The following CEP350 variants were observed in gnomAD, a reference collection of about 807,000 sequenced individuals.
CEP350 encodes the protein centrosomal protein 350, also known as centrosome-associated protein 350.
A neutral mutation model predicts 331.8 loss-of-function variants in CEP350; 126 were observed. The ratio of observed to expected loss-of-function variants is 0.38; its 90% confidence interval spans 0.33 to 0.44. The LOEUF (loss-of-function observed/expected upper bound fraction) is 0.44, where lower values mean the gene tolerates loss of function less well. Among genes scored for constraint, CEP350 ranks in the 20% least tolerant of loss-of-function variants. The pLI is 1.00. For missense variants in CEP350, 3,406 were observed against 3,634.6 expected (o/e 0.94, Z 1.62); for synonymous variants, 1,200 against 1,259.5 (o/e 0.95, Z 1.00).
In CEP350 at chr1:180,094,327, A is replaced by G. The variant is rs1558156242; in HGVS notation, c.8222A>G (p.Glu2741Gly). Residue 2741 changes from glutamate (E) to glycine (G), a missense_variant, in exon 34 of 38, where the codon GAA (glutamate) becomes GGA (glycine). This residue lies in a region of CEP350 where 1,415 missense variants were observed against 1,512.3 expected (regional missense o/e 0.94). Transcript: ENST00000367607. ...EAQLKSSLNE[E>G]KKSKQQLEKI... ...CAGCTGAAGTCATCACTAAATGAGGAAAAAAAGTCAAAACAACAACTGGAA... is the reference window on the plus strand; with the variant it reads ...CAGCTGAAGTCATCACTAAATGAGGGAAAAAAGTCAAAACAACAACTGGAA... The G allele has an allele frequency of 6.2e-6, 10 of 1,613,866 alleles. No individual in the cohort carries two copies. The highest frequency in any genetic ancestry group is 8.5e-6 in the Non-Finnish European group (10 of 1,179,822).
At chr1:179,961,316 C>T (rs770269120) in intron 1 of CEP350, among the ~76,000 whole-genome samples, 5 of 152,072 alleles carry the variant, frequency 3.3e-5, no homozygotes, top group Middle Eastern at 3.4e-3. Context: ...GGCGTGGTGG[C>T]GCGCACCTGT....
intron 1 of CEP350, among the ~76,000 whole-genome samples, chr1:179,955,754 G>C (rs1233464848): frequency 6.6e-6 from 1 of 152,190 alleles, no homozygotes. Context: ...GAATTTGCCT[G>C]GATTTTAAAT....
chr1:180,093,081 G>A lies in CEP350; in HGVS notation c.6976G>A (p.Glu2326Lys). The A allele has an allele frequency of 6.2e-7, 1 of 1,604,980 alleles. No homozygotes were observed. The highest frequency in any genetic ancestry group is 1.3e-5 in the African/African-American group (1 of 74,982). ...AGCTATTGAAAATCTCCATAAAAGT[G>A]AGGAAATGTTGAAAGAGAGACAGTC... ...GLAIENLHKS[E>K]EMLKERQSDQ... Residue 2326 changes from glutamate to lysine, a missense_variant, in exon 34 of 38, where the codon GAG becomes AAG. By Grantham distance (56) the Glu-to-Lys change is moderately conservative. Transcript: ENST00000367607.
intron 25 of CEP350, among the ~76,000 whole-genome samples, chr1:180,055,823 G>T (rs2148980410): frequency 6.6e-6 from 1 of 152,014 alleles, no homozygotes; most frequent in Admixed American, 6.5e-5. Context: ...GGGATTACAG[G>T]CATGAGCCAC....
intron 1 of CEP350, among the ~76,000 whole-genome samples, chr1:179,977,932 T>C (rs1382252752): frequency 6.6e-6 from 1 of 150,656 alleles, no homozygotes; most frequent in Non-Finnish European, 1.5e-5. Flanking sequence ...TTTTATACTT[T>C]AAAAATATTT....
intron 1 of CEP350, among the ~76,000 whole-genome samples, chr1:179,963,073 AT>A (rs1231308649): frequency 3.3e-5 from 5 of 151,516 alleles, no homozygotes; most frequent in Non-Finnish European, 5.9e-5. Context: ...GATTCTGAGC[AT>A]TTTTTTCATA....
intron 23 of CEP350, 52 bp from the exon 24 acceptor site, chr1:180,053,698 A>C: frequency 9.2e-7 from 1 of 1,092,842 alleles, no homozygotes; most frequent in Non-Finnish European, 1.3e-6. Context: ...TAGTGGAATT[A>C]AGTACCAAAA....
chr1:180,075,262 T>C lies in CEP350; in HGVS notation c.5767+41T>C, dbSNP rs747287412. On this transcript the variant is annotated intron_variant, in intron 28 of 37. Coordinates refer to ENST00000367607, the MANE Select transcript of CEP350 (RefSeq NM_014810.5). ...TCTGTTCACACTACAAACTAAAGCC[T>C]AACATAATTGAAAGATATATTTCAT... is the stretch of plus-strand genomic sequence containing the variant. 3.3e-5 allele frequency: 50 copies of C among 1,514,360 alleles called. No homozygotes were observed. The South Asian group carries it at 5.9e-4, about 18-fold the overall frequency. 93.8% of individuals were successfully genotyped at this position (1,514,360 alleles called of 1,614,324 possible).
intron 25 of CEP350, 73 bp downstream of exon 25, chr1:180,054,575 G>A: frequency 9.0e-7 from 1 of 1,107,908 alleles, no homozygotes; most frequent in East Asian, 2.6e-5. Flanking sequence ...TATTTTGCCT[G>A]ATTTCTTTTC....
intron 15 of CEP350, among the ~76,000 whole-genome samples, 197 bp downstream of exon 15, chr1:180,031,691 T>C (rs1490319268): frequency 6.6e-6 from 1 of 152,088 alleles, no homozygotes; most frequent in Non-Finnish European, 1.5e-5. Context: ...TAGAATATGG[T>C]TATGTATCAT....
At chr1:180,059,625 C>CTT (rs372560791) in intron 25 of CEP350, among the ~76,000 whole-genome samples, 2 of 139,878 alleles carry the variant, frequency 1.4e-5, no homozygotes, top group African/African-American at 2.6e-5. Context: ...AATTGTGAGC[C>CTT]TTTTTTTTTT....
Position 180,044,690 on chromosome 1 carries a change from G to A in CEP350, c.4622+517G>A, listed in dbSNP as rs1311990092. On this transcript the variant is annotated intron_variant, in intron 21 of 37. Coordinates refer to ENST00000367607, the MANE Select transcript of CEP350 (RefSeq NM_014810.5). ...CGGGGACTGTTGTGGGGTGGGGGGAGGGGGGAGGGATAGCATTAGGAGATA... is the reference window on the plus strand; with the variant it reads ...CGGGGACTGTTGTGGGGTGGGGGGAAGGGGGAGGGATAGCATTAGGAGATA... 6.3e-5 allele frequency among the ~76,000 whole-genome samples: 7 copies of A among 110,328 alleles called. No individual in the cohort carries two copies. In the Admixed American group the frequency reaches 7.2e-4, roughly 11 times the overall value. The allele number at this position is 110,328 out of a possible 152,430, so 72.4% of individuals were successfully genotyped here.
chr1:180,034,118 CGAT>C, intron 16 of CEP350, 36 bp downstream of exon 16: 1 of 1,576,548 alleles, frequency 6.3e-7, no homozygotes, highest in Non-Finnish European at 8.6e-7. Context: ...TTTTAGAATA[CGAT>C]ATGAAATTTT....
intron 25 of CEP350, among the ~76,000 whole-genome samples, chr1:180,056,474 C>T (rs542270977): frequency 8.2e-6 from 1 of 121,366 alleles, no homozygotes; most frequent in South Asian, 3.3e-4. Flanking sequence ...CTCCCCCCCC[C>T]CCTTTTTTTT....
chr1:179,973,679 C>T (rs1020841452), intron 1 of CEP350, among the ~76,000 whole-genome samples: 6 of 152,086 alleles, frequency 3.9e-5, no homozygotes, highest in Non-Finnish European at 4.4e-5. Flanking sequence ...CTACTTGTAG[C>T]GCTTTTCTTT....
chr1:180,101,222 A>G lies in CEP350; in HGVS notation c.9189+2237A>G, dbSNP rs553014520. Among the ~76,000 whole-genome samples, 313 of 152,208 alleles carry G rather than the reference A, an allele frequency of 2.1e-3. 3 individuals carry two copies. The highest frequency in any genetic ancestry group is 3.4e-3 in the Non-Finnish European group (229 of 68,010). The stretch of plus-strand genomic sequence containing the variant: ...CTATCCCCTTTGCTGGTTGTAAAAT[A>G]TTTTTTAGCTTCCTACAGAGAGACC... On this transcript the variant is annotated intron_variant, in intron 37 of 37. Transcript: ENST00000367607.
intron 7 of CEP350, among the ~76,000 whole-genome samples, chr1:180,004,881 TGCTTGCTTGCTTGC>T (rs1399222580): frequency 1.4e-5 from 1 of 71,078 alleles, no homozygotes; most frequent in Non-Finnish European, 2.8e-5. Context: ...CTGGCTTGCT[TGCTTGCTTGCTTGC>T]TTGCTTGCTT....
At chr1:180,016,917 C>T (rs1176099677) in intron 11 of CEP350, among the ~76,000 whole-genome samples, 1 of 152,144 alleles carries the variant, frequency 6.6e-6, no homozygotes, top group Non-Finnish European at 1.5e-5. Context: ...CCCACCTCAG[C>T]CTCCCAAAGT....
Position 180,094,239 on chromosome 1 carries a change from T to G in CEP350, c.8134T>G (p.Ser2712Ala). The G allele has an allele frequency of 6.2e-7, 1 of 1,613,090 alleles. No homozygotes were observed. ...GGAAGACAACCTATATGCTGAAGCT[T>G]CAGAAAAGCTTTGTACACCACTTCT... ...EEEDNLYAEA[S>A]EKLCTPLLDL... The change falls in exon 34 of 38, where the codon TCA (serine) becomes GCA (alanine). Residue 2712 changes from serine to alanine, a missense_variant. Ser to Ala is a moderately conservative substitution (Grantham distance 99, BLOSUM62 1). Transcript: ENST00000367607.
Sources: allele counts gnomAD v4.1 joint callset (sites outside exome capture counted in the v4.1 genomes callset), GRCh38; gene constraint gnomAD v4.1.1; regional missense constraint gnomAD v4.1.1; transcripts MANE v1.5; gene names NCBI Gene and HGNC (gene_info 2026-07-23, HGNC 2026-07-21).